The following DAAM1 variants were observed in gnomAD, a reference collection of about 807,000 sequenced individuals.
The protein encoded by DAAM1 is dishevelled associated activator of morphogenesis 1.
In DAAM1, 52 loss-of-function variants were observed where a neutral mutation model predicts 130.0. The observed-to-expected ratio is 0.40, with a 90% CI of 0.32 to 0.50. The LOEUF is 0.50. Among genes scored for constraint, DAAM1 ranks in the 20% least tolerant of loss-of-function variants. The pLI, the probability that DAAM1 is intolerant of heterozygous loss-of-function variation, is 0.61. For missense variants in DAAM1, 1,134 were observed against 1,303.8 expected (o/e 0.87, Z 2.01); for synonymous variants, 452 against 444.5 (o/e 1.02, Z -0.21).
At chr14:59,297,443 G>A (rs1343012411) in intron 3 of DAAM1, among the ~76,000 whole-genome samples, 3 of 152,196 alleles carry the variant, frequency 2.0e-5, no homozygotes, top group Admixed American at 2.0e-4. Context: ...CAACTTAGAG[G>A]AGGATAGCTA....
At chr14:59,365,133 G>C (rs1417290970) in intron 23 of DAAM1, among the ~76,000 whole-genome samples, 3 of 152,206 alleles carry the variant, frequency 2.0e-5, no homozygotes, top group Admixed American at 2.0e-4. Context: ...TCTTCTAGCA[G>C]AACATAAAGA....
In DAAM1 at chr14:59,312,142, G is replaced by C. The variant is rs185032131; in HGVS notation, c.274-3138G>C. Among the ~76,000 whole-genome samples the C allele has an allele frequency of 5.3e-5, 8 of 152,266 alleles. No homozygotes were observed. The East Asian group carries it at 1.4e-3, about 26-fold the overall frequency. On this transcript the variant is annotated intron_variant, in intron 3 of 24. Coordinates refer to ENST00000360909, the MANE Select transcript of DAAM1 (RefSeq NM_001270520.2). ...TGAAAGTAAACTTACAGGGTCAAAG[G>C]CTATCTGGATTTTAAATGTGAACAA...
intron 1 of DAAM1, among the ~76,000 whole-genome samples, chr14:59,206,493 T>C (rs1250889962): frequency 2.6e-5 from 4 of 152,156 alleles, no homozygotes; most frequent in Admixed American, 2.6e-4. Flanking sequence ...GCCAGGATGG[T>C]CTTGATCTCC....
chr14:59,228,210 CTG>C (rs1001483652), intron 1 of DAAM1, among the ~76,000 whole-genome samples: 25 of 152,026 alleles, frequency 1.6e-4, no homozygotes, highest in Admixed American at 6.6e-5. Flanking sequence ...TGTCAACATT[CTG>C]TCATTCTCTA....
At chr14:59,233,899 A>G (rs1201634327) in intron 1 of DAAM1, among the ~76,000 whole-genome samples, 1 of 152,106 alleles carries the variant, frequency 6.6e-6, no homozygotes, top group Non-Finnish European at 1.5e-5. Flanking sequence ...TGCTTTTCCC[A>G]TTGCTTGTTT....
In DAAM1 at chr14:59,263,653, A is replaced by T; in HGVS notation, c.176A>T (p.Glu59Val). Reference protein sequence around the residue: ...PVEELDVMFSELVDELDLTDK... With the variant: ...PVEELDVMFSVLVDELDLTDK... ...GAGGAGCTGGATGTCATGTTCAGTG[A>T]ACTGGTGGTGAGTCCCAGTTTTCTA... The change falls in exon 2 of 25, where the codon GAA (glutamate) becomes GTA (valine). Residue 59 changes from glutamate to valine, a missense_variant. Around this residue, in one of 3 missense-constraint regions of DAAM1, gnomAD observed 99 missense variants for 86.4 expected, o/e 1.15. Coordinates refer to ENST00000360909, the MANE Select transcript of DAAM1 (RefSeq NM_001270520.2). 1 of 1,614,166 alleles carries T rather than the reference A, an allele frequency of 6.2e-7. No homozygotes were observed. Among genetic ancestry groups the T allele is most frequent in the Non-Finnish European group, 8.5e-7 (1 of 1,180,018 alleles).
At chr14:59,299,103 G>T (rs1022913252) in intron 3 of DAAM1, among the ~76,000 whole-genome samples, 2 of 152,310 alleles carry the variant, frequency 1.3e-5, no homozygotes, top group African/African-American at 4.8e-5. Flanking sequence ...CCTCCTTAGG[G>T]ATGGATCTTC....
At chr14:59,256,235 A>G (rs139465461) in intron 1 of DAAM1, among the ~76,000 whole-genome samples, 1 of 152,214 alleles carries the variant, frequency 6.6e-6, no homozygotes, top group Non-Finnish European at 1.5e-5. Context: ...ACTTGACATT[A>G]TCAAAGGGAA....
intron 3 of DAAM1, among the ~76,000 whole-genome samples, chr14:59,310,580 C>G (rs1471344789): frequency 1.3e-5 from 2 of 152,162 alleles, no homozygotes; most frequent in East Asian, 3.8e-4. Context: ...CAATTATTTG[C>G]CTTTCCCCTG....
At chr14:59,344,095 T>G (rs1407911102) in intron 16 of DAAM1, among the ~76,000 whole-genome samples, 1 of 152,204 alleles carries the variant, frequency 6.6e-6, no homozygotes, top group East Asian at 1.9e-4. Flanking sequence ...CAGGTTTATA[T>G]TGCAAAATGA....
At chr14:59,195,212 C>T (rs546623054) in intron 1 of DAAM1, among the ~76,000 whole-genome samples, 120 of 145,118 alleles carry the variant, frequency 8.3e-4, no homozygotes, top group Non-Finnish European at 1.4e-3. Context: ...GGTGCGATCT[C>T]AGCTCACTGC....
intron 1 of DAAM1, among the ~76,000 whole-genome samples, chr14:59,257,609 G>A (rs1435690653): frequency 1.3e-5 from 2 of 152,216 alleles, no homozygotes; most frequent in Non-Finnish European, 1.5e-5. Flanking sequence ...ACGTGCCTGC[G>A]TATGAGGCAT....
At chr14:59,206,933 A>G (rs963633413) in intron 1 of DAAM1, among the ~76,000 whole-genome samples, 16 of 152,214 alleles carry the variant, frequency 1.1e-4, no homozygotes, top group Non-Finnish European at 2.4e-4. Flanking sequence ...TTTATTTTTA[A>G]TCAGTGTTGT....
At chr14:59,312,419 C>G (rs1397140805) in intron 3 of DAAM1, among the ~76,000 whole-genome samples, 1 of 152,136 alleles carries the variant, frequency 6.6e-6, no homozygotes, top group Non-Finnish European at 1.5e-5. Flanking sequence ...AACTGAGTCA[C>G]AAAGAGGTTA....
In DAAM1 at chr14:59,297,707, C is replaced by T. The variant is rs145045261; in HGVS notation, c.273+6401C>T. Reference sequence around the variant, plus strand: ...AAGATATTTTGACAAAGAGAGAGACCGCACTCACATAACTTATATTACAGT... The same window carrying T: ...AAGATATTTTGACAAAGAGAGAGACTGCACTCACATAACTTATATTACAGT... On this transcript the variant is annotated intron_variant, in intron 3 of 24. Transcript: ENST00000360909. Among the ~76,000 whole-genome samples the T allele has an allele frequency of 2.4e-3, 371 of 152,168 alleles. 1 individual carries two copies. The highest frequency in any genetic ancestry group is 8.3e-3 in the African/African-American group (346 of 41,500).
chr14:59,351,007 TGCTTCCATGCA>T (rs1886271616), intron 17 of DAAM1, among the ~76,000 whole-genome samples: 1 of 152,188 alleles, frequency 6.6e-6, no homozygotes, highest in South Asian at 2.1e-4. Context: ...AATCATTACT[TGCTTCCATGCA>T]AACATTTTGA....
intron 1 of DAAM1, among the ~76,000 whole-genome samples, chr14:59,228,601 C>G (rs2139439851): frequency 6.6e-6 from 1 of 152,240 alleles, no homozygotes; most frequent in Middle Eastern, 3.4e-3. Flanking sequence ...TTAGATTTCA[C>G]TCATATATTT....
intron 2 of DAAM1, chr14:59,264,889 T>G (rs1340582222): frequency 1.3e-5 from 2 of 152,232 alleles, no homozygotes; most frequent in Non-Finnish European, 1.5e-5. Flanking sequence ...TTCTCATCAT[T>G]CAGCTCCCAC....
chr14:59,322,666 G>T (rs1462272588), intron 5 of DAAM1, among the ~76,000 whole-genome samples: 1 of 152,164 alleles, frequency 6.6e-6, no homozygotes, highest in Non-Finnish European at 1.5e-5. Flanking sequence ...TACCCATTGA[G>T]ATATGTTTAT....
Sources: gnomAD v4.1 joint callset for allele counts (sites outside exome capture counted in the v4.1 genomes callset) on GRCh38, gnomAD v4.1.1 for gene constraint, gnomAD v4.1.1 regional missense constraint, MANE v1.5 for transcripts, NCBI Gene and HGNC (gene_info 2026-07-23, HGNC 2026-07-21) for gene names.